Variants in CDC20B observed in about 807,000 individuals in gnomAD.
CDC20B encodes cell division cycle protein 20 homolog B.
In CDC20B, 58 loss-of-function variants were observed where a neutral mutation model predicts 64.1. The ratio of observed to expected loss-of-function variants is 0.90; its 90% CI spans 0.73 to 1.13. The LOEUF (loss-of-function observed/expected upper bound fraction) is 1.13. Among genes scored for constraint, CDC20B ranks in the 50% most tolerant of loss-of-function variants. The pLI, the probability that CDC20B is intolerant of heterozygous loss-of-function variation, is 0.00. For missense variants in CDC20B, 597 were observed against 633.0 expected (o/e 0.94, Z 0.61); for synonymous variants, 243 against 230.6 (o/e 1.05, Z -0.49).
intron 9 of CDC20B, among the ~76,000 whole-genome samples, chr5:55,120,949 C>A (rs1018573193): frequency 2.6e-5 from 4 of 152,112 alleles, no homozygotes; most frequent in South Asian, 2.1e-4. Context: ...CTACCTGTGT[C>A]CTTATGTTCC....
At chr5:55,160,494 T>C in intron 2 of CDC20B, 1 of 889,216 alleles carries the variant, frequency 1.1e-6, no homozygotes, top group Non-Finnish European at 1.7e-6. Flanking sequence ...TGGTCATAAG[T>C]TGGAATTTAG....
At chr5:55,142,820 A>T (rs2111872745) in intron 4 of CDC20B, among the ~76,000 whole-genome samples, 1 of 152,356 alleles carries the variant, frequency 6.6e-6, no homozygotes, top group African/African-American at 2.4e-5. Context: ...AAGCACAGAA[A>T]AAGGCATACA....
chr5:55,114,271 G>A lies in CDC20B; in HGVS notation c.1507C>T (p.Arg503Trp), dbSNP rs444527. The A allele has an allele frequency of 0.19, 312,774 of 1,613,568 alleles. 32,027 individuals are homozygous for A. The highest frequency in any genetic ancestry group is 0.3 in the South Asian group (27,234 of 91,012). Residue 503 changes from arginine to tryptophan, a missense_variant, in exon 12 of 12, where the codon CGG becomes TGG. Arg to Trp is a moderately radical substitution (Grantham distance 101). Coordinates refer to ENST00000381375, the MANE Select transcript of CDC20B (RefSeq NM_001170402.1). This position sits in a 1 kb window ranked among gnomAD's most constrained non-coding sequence, Gnocchi z 4.1. ...LHLSLSPDQT[R>W]VFSAAADGTA... ...CCATCAGCTGCAGCAGAAAACACCC[G>A]GGTCTGGTCTGGACTCAAAGACAGG... is the stretch of plus-strand genomic sequence containing the variant.
chr5:55,161,349 G>T, intron 2 of CDC20B: 1 of 1,226,710 alleles, frequency 8.2e-7, no homozygotes, highest in Admixed American at 2.1e-5. Context: ...TTGAAACGTT[G>T]TATCGGGAAA....
At chr5:55,154,777 C>T (rs1036783602) in intron 2 of CDC20B, among the ~76,000 whole-genome samples, 1 of 152,040 alleles carries the variant, frequency 6.6e-6, no homozygotes, top group Non-Finnish European at 1.5e-5. Flanking sequence ...TATTTAATGT[C>T]ATTTTATAAT....
In CDC20B at chr5:55,173,089, T is replaced by A; in HGVS notation, c.-89A>T. 8.3e-7 allele frequency: 1 copy of A among 1,210,642 alleles called. No individual in the cohort carries two copies. The highest frequency in any genetic ancestry group is 1.2e-6 in the Non-Finnish European group (1 of 840,124). 75.0% of individuals were successfully genotyped at this position (1,210,642 alleles called of 1,614,324 possible). ...CCAGGTCTAAGTCAGTCTTGACGCC[T>A]AATCGTCAAACCCCTGGAGTCCCGT... On this transcript the variant is annotated 5_prime_UTR_variant, in exon 1 of 12. Transcript: ENST00000381375.
At position 55,143,584 on chromosome 5, in the gene CDC20B, C is replaced by A; in HGVS notation, c.415G>T (p.Ala139Ser). Residue 139 changes from alanine (A) to serine (S), a missense_variant, in exon 4 of 12, where the codon GCT (alanine) becomes TCT (serine). Physicochemically the swap from Ala to Ser is moderately conservative, Grantham distance 99. Coordinates refer to ENST00000381375, the MANE Select transcript of CDC20B (RefSeq NM_001170402.1). ...TGAGGTGCCTTGCAAAAATGGAGAG[C>A]AGAGTTACTTGTTTCAGAAATTCCT... ...SKGISETSNS[A>S]LHFCKAPHAM... 6.2e-7 allele frequency: 1 copy of A among 1,609,902 alleles called. No individual in the cohort carries two copies. Among genetic ancestry groups the A allele is most frequent in the Non-Finnish European group, 8.5e-7 (1 of 1,177,510 alleles).
intron 2 of CDC20B, among the ~76,000 whole-genome samples, chr5:55,147,960 A>G (rs1305260745): frequency 2.0e-5 from 3 of 152,218 alleles, no homozygotes; most frequent in East Asian, 3.8e-4. Flanking sequence ...CAGGAGTTTG[A>G]TATTTATAGA....
rs1744637152 is a variant in CDC20B, at chr5:55,172,594, G to A, written c.120C>T (p.Ser40=). 6.2e-7 allele frequency: 1 copy of A among 1,612,166 alleles called. No homozygotes were observed. The highest frequency in any genetic ancestry group is 8.5e-7 in the Non-Finnish European group (1 of 1,178,426). The change falls in exon 2 of 12, where the codon TCC becomes TCT. Residue 40 remains serine (S), a synonymous_variant. Coordinates refer to ENST00000381375, the MANE Select transcript of CDC20B (RefSeq NM_001170402.1). Reference sequence around the variant, plus strand: ...GAACAAGCCCTGGACTCACGTTGGCGGAATCTTGACTTCTCTTCTGCTTCA... The same window carrying A: ...GAACAAGCCCTGGACTCACGTTGGCAGAATCTTGACTTCTCTTCTGCTTCA... ...KDLKQKRSQD[S]ANVLDSVNAT... is the part of the protein sequence containing the mutation.
At chr5:55,148,444 C>A (rs931988567) in intron 2 of CDC20B, among the ~76,000 whole-genome samples, 1 of 152,214 alleles carries the variant, frequency 6.6e-6, no homozygotes, top group Non-Finnish European at 1.5e-5. Context: ...CCGGCCGTGG[C>A]GGCTCATGCT....
At chr5:55,142,688 T>C (rs970108230) in intron 4 of CDC20B, among the ~76,000 whole-genome samples, 1 of 152,126 alleles carries the variant, frequency 6.6e-6, no homozygotes, top group African/African-American at 2.4e-5. Context: ...CCCAAACCCA[T>C]ATCCAACAAT....
intron 2 of CDC20B, among the ~76,000 whole-genome samples, chr5:55,151,268 A>G (rs1743661012): frequency 6.6e-6 from 1 of 152,162 alleles, no homozygotes; most frequent in African/African-American, 2.4e-5. Context: ...CACTTTTTAA[A>G]GTGTTCAACT....
At chr5:55,142,839 G>A (rs754285964) in intron 4 of CDC20B, among the ~76,000 whole-genome samples, 19 of 152,284 alleles carry the variant, frequency 1.2e-4, no homozygotes, top group Non-Finnish European at 2.5e-4. Context: ...CACTGAATAA[G>A]TAATTTTGCC....
At position 55,143,569 on chromosome 5, in the gene CDC20B, T is replaced by A. The variant is rs769101869; in HGVS notation, c.430A>T (p.Lys144Ter). The A allele has an allele frequency of 1.2e-6, 2 of 1,611,238 alleles. No homozygotes were observed. Among genetic ancestry groups the A allele is most frequent in the South Asian group, 2.2e-5 (2 of 90,718 alleles). Residue 144 changes from lysine (K) to a stop codon, truncating the protein, a stop_gained, in exon 4 of 12, where the codon AAG (lysine) becomes TAG (stop). Transcript: ENST00000381375. LOFTEE classifies it high-confidence loss of function. Reference protein sequence around the residue: ...ETSNSALHFCKAPHAMDRDWK... With the variant: ...ETSNSALHFC ...TCTCTGTCCATTGCATGAGGTGCCT[T>A]GCAAAAATGGAGAGCAGAGTTACTT...
intron 2 of CDC20B, among the ~76,000 whole-genome samples, chr5:55,147,200 AAC>A (rs1384640346): frequency 9.0e-6 from 1 of 110,748 alleles, no homozygotes; most frequent in African/African-American, 3.3e-5. Flanking sequence ...ATATTATATA[AAC>A]ATAAATATGT....
intron 2 of CDC20B, chr5:55,164,346 C>G (rs537524476): frequency 1.2e-5 from 6 of 501,834 alleles, no homozygotes; most frequent in African/African-American, 7.9e-5. Flanking sequence ...AGTGCGTTCT[C>G]AGCTCATTGC....
chr5:55,158,574 G>A (rs774644876), intron 2 of CDC20B, among the ~76,000 whole-genome samples: 1 of 152,130 alleles, frequency 6.6e-6, no homozygotes, highest in African/African-American at 2.4e-5. Context: ...AGAAGAGCAG[G>A]CAGCACCCTG....
intron 8 of CDC20B, among the ~76,000 whole-genome samples, chr5:55,125,912 T>G (rs10079519): frequency 0.034 from 5,153 of 152,140 alleles, 307 homozygotes; most frequent in African/African-American, 0.12. Flanking sequence ...AAAACAAAAT[T>G]GAGGATAAGA....
At chr5:55,159,857 T>C (rs546021199) in intron 2 of CDC20B, among the ~76,000 whole-genome samples, 2 of 152,350 alleles carry the variant, frequency 1.3e-5, no homozygotes, top group East Asian at 1.9e-4. Context: ...CAGCTTAGCA[T>C]GGGGAATGAG....
Sources: allele counts gnomAD v4.1 joint callset (sites outside exome capture counted in the v4.1 genomes callset), GRCh38; gene constraint gnomAD v4.1.1; non-coding constraint Gnocchi (gnomAD v3.1); transcripts MANE v1.5; gene names NCBI Gene and HGNC (gene_info 2026-07-23, HGNC 2026-07-21).